Variants in CDYL observed in about 807,000 individuals in gnomAD.
CDYL encodes chromodomain Y-like protein.
CDYL carries 8 observed loss-of-function variants against 47.3 expected under a neutral mutation model. The ratio of observed to expected loss-of-function variants is 0.17; its 90% CI spans 0.10 to 0.31. CDYL has a LOEUF of 0.31. Among genes scored for constraint, CDYL ranks in the 10% least tolerant of loss-of-function variants. The probability of loss-of-function intolerance (pLI) is 1.00; values close to 1 mark genes in which losing one functional copy is unlikely to be tolerated. For missense variants in CDYL, 471 were observed against 701.4 expected (o/e 0.67, Z 3.71); for synonymous variants, 266 against 265.0 (o/e 1.00, Z -0.04).
intron 2 of CDYL, among the ~76,000 whole-genome samples, chr6:4,721,313 CT>C (rs1757365039): frequency 6.6e-6 from 1 of 151,932 alleles, no homozygotes. Context: ...TTCTCTGTAT[CT>C]TTCCAATTTT....
intron 3 of CDYL, among the ~76,000 whole-genome samples, chr6:4,741,333 G>T (rs1561832754): frequency 1.3e-5 from 2 of 152,140 alleles, no homozygotes; most frequent in Non-Finnish European, 2.9e-5. Context: ...TGCATGAAGA[G>T]GCTACCAGTC....
rs5873949 is a variant in CDYL at position 4,744,495 on chromosome 6, CAA to C, written c.186+9661_186+9662del. 8.4e-4 allele frequency among the ~76,000 whole-genome samples: 126 copies of C among 150,080 alleles called. 1 individual carries two copies. The South Asian group carries it at 0.017, about 21-fold the overall frequency. On this transcript the variant is annotated intron_variant, in intron 3 of 8. Transcript: ENST00000328908. ...TGGACAACAGAGCAAGACCCTGTCT[CAA>C]AAAAAAAAATTGCCAAATTATGAGA...
intron 1 of CDYL, among the ~76,000 whole-genome samples, chr6:4,780,596 T>G (rs1025171928): frequency 6.6e-6 from 1 of 151,994 alleles, no homozygotes; most frequent in Non-Finnish European, 1.5e-5. Flanking sequence ...GCTTGTTAAG[T>G]AACTCATCTT....
chr6:4,841,824 T>G (rs1380617588), intron 1 of CDYL, among the ~76,000 whole-genome samples: 3 of 151,892 alleles, frequency 2.0e-5, no homozygotes, highest in Non-Finnish European at 4.4e-5. Context: ...ATATGGGCTA[T>G]CTTGGAGAAT....
intron 1 of CDYL, among the ~76,000 whole-genome samples, chr6:4,873,288 A>G (rs566557486): frequency 6.6e-6 from 1 of 152,326 alleles, no homozygotes; most frequent in South Asian, 2.1e-4. Flanking sequence ...AAATATTTAA[A>G]TCAATTTTTA....
At chr6:4,929,523 CACAT>C (rs1176533898) in intron 2 of CDYL, among the ~76,000 whole-genome samples, 7 of 148,256 alleles carry the variant, frequency 4.7e-5, no homozygotes, top group Admixed American at 1.3e-4. Flanking sequence ...CACACACACA[CACAT>C]ACATACACAC....
chr6:4,725,318 C>T lies in CDYL; in HGVS notation c.103+9437C>T, dbSNP rs1488051996. 3.3e-5 allele frequency among the ~76,000 whole-genome samples: 5 copies of T among 152,270 alleles called. No homozygotes were observed. In the East Asian group the frequency reaches 5.8e-4, roughly 18 times the overall value. Reference sequence around the variant, plus strand: ...GGTGGAGCTGCCTGCCAGTCCTGCGCCTGTGCGCCCACACTCCTCAGCCCT... The same window carrying T: ...GGTGGAGCTGCCTGCCAGTCCTGCGTCTGTGCGCCCACACTCCTCAGCCCT... On this transcript the variant is annotated intron_variant, in intron 2 of 8. Coordinates refer to the CDYL transcript ENST00000328908.
At chr6:4,757,716 G>C (rs572681005) in intron 3 of CDYL, among the ~76,000 whole-genome samples, 1 of 152,224 alleles carries the variant, frequency 6.6e-6, no homozygotes, top group Admixed American at 6.5e-5. Flanking sequence ...TGAAGAAAAG[G>C]CATTGTGTAA....
chr6:4,865,345 C>T (rs557493469), intron 1 of CDYL, among the ~76,000 whole-genome samples: 9 of 152,308 alleles, frequency 5.9e-5, no homozygotes, highest in South Asian at 2.1e-4. Context: ...TTAGACTGTG[C>T]GGTCCAACCC....
At chr6:4,857,568 A>T (rs573296799) in intron 1 of CDYL, among the ~76,000 whole-genome samples, 1 of 152,276 alleles carries the variant, frequency 6.6e-6, no homozygotes, top group Admixed American at 6.5e-5. Context: ...TCCCTTCAGA[A>T]CAGGTAGATC....
intron 2 of CDYL, among the ~76,000 whole-genome samples, chr6:4,918,466 A>G (rs986445216): frequency 1.3e-5 from 2 of 151,938 alleles, no homozygotes; most frequent in Non-Finnish European, 2.9e-5. Flanking sequence ...AAAGGCTTTA[A>G]AAAGGAAATA....
chr6:4,885,583 C>A (rs1581235363), intron 1 of CDYL, among the ~76,000 whole-genome samples: 1 of 152,332 alleles, frequency 6.6e-6, no homozygotes, highest in East Asian at 1.9e-4. Flanking sequence ...CTCTTGTCTT[C>A]TGCCAGCATC....
chr6:4,715,827 A>T lies in CDYL; in HGVS notation c.49A>T (p.Lys17Ter), dbSNP rs779073346. 6.2e-7 allele frequency: 1 copy of T among 1,614,216 alleles called. No homozygotes were observed. Among genetic ancestry groups the T allele is most frequent in the Admixed American group, 1.7e-5 (1 of 60,022 alleles). The change falls in exon 2 of 9, where the codon AAA becomes TAA. Residue 17 changes from lysine to a stop codon, truncating the protein, a stop_gained. Transcript: ENST00000328908. LOFTEE classifies it high-confidence loss of function. Reference sequence around the variant, plus strand: ...GTCAGCCTGGGGAAAAAGCAGGAAGAAAAACTGGCAATACGAGGGCCCAAC... The same window carrying T: ...GTCAGCCTGGGGAAAAAGCAGGAAGTAAAACTGGCAATACGAGGGCCCAAC...
chr6:4,811,208 TA>T (rs1759517500), intron 1 of CDYL, among the ~76,000 whole-genome samples: 1 of 152,218 alleles, frequency 6.6e-6, no homozygotes, highest in Admixed American at 6.5e-5. Context: ...GAATATGAAG[TA>T]AAAGTAAAAC....
chr6:4,922,603 A>C lies in CDYL; in HGVS notation c.692-12912A>C, dbSNP rs530964974. 3.0e-4 allele frequency among the ~76,000 whole-genome samples: 45 copies of C among 152,332 alleles called. No homozygotes were observed. The East Asian group carries it at 8.5e-3, about 29-fold the overall frequency. Reference sequence around the variant, plus strand: ...GGTGGTGCCCACCAGTACGTGCTTCAGAGCTCCCTGCTGGTTGCCAGATCC... The same window carrying C: ...GGTGGTGCCCACCAGTACGTGCTTCCGAGCTCCCTGCTGGTTGCCAGATCC... On this transcript the variant is annotated intron_variant, in intron 2 of 6. Coordinates refer to ENST00000397588, the MANE Select transcript of CDYL (RefSeq NM_004824.4).
At chr6:4,934,561 G>A (rs1007378393) in intron 2 of CDYL, among the ~76,000 whole-genome samples, 5 of 152,286 alleles carry the variant, frequency 3.3e-5, no homozygotes, top group Admixed American at 1.3e-4. Context: ...TACTAGTAAA[G>A]TCTGATCTAG....
At chr6:4,856,750 G>T (rs1183367848) in intron 1 of CDYL, among the ~76,000 whole-genome samples, 4 of 152,142 alleles carry the variant, frequency 2.6e-5, no homozygotes, top group Admixed American at 2.6e-4. Flanking sequence ...GGGGCCTGGG[G>T]GGAACTTCAG....
At chr6:4,786,785 C>G (rs1014686189) in intron 1 of CDYL, among the ~76,000 whole-genome samples, 12 of 152,174 alleles carry the variant, frequency 7.9e-5, no homozygotes, top group African/African-American at 2.9e-4. Flanking sequence ...ACCAAAGTAC[C>G]CTTGGAGAAC....
At chr6:4,855,415 G>A (rs1459148798) in intron 1 of CDYL, among the ~76,000 whole-genome samples, 1 of 152,116 alleles carries the variant, frequency 6.6e-6, no homozygotes, top group East Asian at 1.9e-4. Flanking sequence ...CTCATCCTCT[G>A]GAGTAGCCGG....
Sources: gnomAD v4.1 joint callset for allele counts (sites outside exome capture counted in the v4.1 genomes callset) on GRCh38, gnomAD v4.1.1 for gene constraint, MANE v1.5 for transcripts, NCBI Gene and HGNC (gene_info 2026-07-23, HGNC 2026-07-21) for gene names.